The following NRXN3 variants were observed in gnomAD, a reference collection of about 807,000 sequenced individuals.
NRXN3 encodes neurexin 3, also known as neurexin III.
A neutral mutation model predicts 137.6 loss-of-function variants in NRXN3; 32 were observed. The observed-to-expected ratio is 0.23, with a 90% CI of 0.18 to 0.31. The LOEUF is 0.31. Ranked by LOEUF, NRXN3 falls within the 10% of genes least tolerant of loss-of-function variation. The pLI is 1.00. For synonymous variants in NRXN3, 798 were observed against 784.5 expected, an observed-to-expected ratio of 1.02 and a Z score of -0.29; for missense variants, 1,574 against 2,062.5, an observed-to-expected ratio of 0.76 and a Z score of 4.59.
chr14:78,282,587 C>A (rs1383969898), intron 3 of NRXN3: 1 of 162,908 alleles, frequency 6.1e-6, no homozygotes, highest in Admixed American at 5.7e-5. Flanking sequence ...CCCTGGCAGG[C>A]ACTGTGGGAG....
At chr14:78,173,518 T>C (rs2058948428) in intron 1 of NRXN3, among the ~76,000 whole-genome samples, 2 of 151,330 alleles carry the variant, frequency 1.3e-5, no homozygotes, top group African/African-American at 4.9e-5. Flanking sequence ...TCTGTGTGTG[T>C]GTGAAATTTT....
intron 19 of NRXN3, among the ~76,000 whole-genome samples, chr14:79,736,174 TAACTC>T (rs534841170): frequency 2.7e-4 from 41 of 152,174 alleles, no homozygotes; most frequent in Non-Finnish European, 4.7e-4. Flanking sequence ...CTGACAGTCT[TAACTC>T]AGCACTGTCT....
chr14:79,491,576 G>C (rs1477520912), intron 16 of NRXN3, among the ~76,000 whole-genome samples: 1 of 150,790 alleles, frequency 6.6e-6, no homozygotes, highest in Non-Finnish European at 1.5e-5. Flanking sequence ...AATGTACCCT[G>C]TAAAGAAATG....
At chr14:78,282,630 C>T (rs1429560629) in intron 3 of NRXN3, 1 of 161,712 alleles carries the variant, frequency 6.2e-6, no homozygotes, top group African/African-American at 2.4e-5. Context: ...CAGGAGGCCT[C>T]CGTCTGCTGT....
chr14:79,112,925 G>A (rs1021248238), intron 15 of NRXN3, among the ~76,000 whole-genome samples: 16 of 152,252 alleles, frequency 1.1e-4, no homozygotes, highest in African/African-American at 2.2e-4. Context: ...AAGTTGAGAC[G>A]CAGTTTTCCT....
intron 4 of NRXN3, among the ~76,000 whole-genome samples, chr14:78,552,283 T>C (rs980446679): frequency 1.3e-5 from 2 of 152,234 alleles, no homozygotes; most frequent in Admixed American, 6.5e-5. Flanking sequence ...TTAAAAATTG[T>C]TTCTTTTCTT....
chr14:79,410,824 A>G (rs2095407286), intron 15 of NRXN3, among the ~76,000 whole-genome samples: 1 of 152,120 alleles, frequency 6.6e-6, no homozygotes, highest in Non-Finnish European at 1.5e-5. Context: ...GGTAATGCTG[A>G]TACAATCTTA....
chr14:79,621,140 G>A (rs1179069353), intron 16 of NRXN3, among the ~76,000 whole-genome samples: 6 of 152,044 alleles, frequency 3.9e-5, no homozygotes, highest in Admixed American at 3.9e-4. Flanking sequence ...GTTATTATGA[G>A]GTATTTTTGT....
chr14:78,810,376 T>TAAAA, intron 10 of NRXN3, 32 bp downstream of exon 10: 4 of 1,141,232 alleles, frequency 3.5e-6, no homozygotes, highest in Non-Finnish European at 4.9e-6. Context: ...ATTTTGTTCT[T>TAAAA]TAAAAAAAAA....
intron 17 of NRXN3, among the ~76,000 whole-genome samples, chr14:79,672,463 G>T (rs1001766118): frequency 6.6e-6 from 1 of 151,834 alleles, no homozygotes; most frequent in East Asian, 1.9e-4. Context: ...CACTTTATGG[G>T]ATTTTTAAAA....
Position 78,645,403 on chromosome 14 carries a change from G to A in NRXN3, c.1041G>A (p.Val347=), listed in dbSNP as rs1456285061. Residue 347 remains valine, a synonymous_variant, in exon 5 of 21, where the codon GTG becomes GTA. Coordinates refer to ENST00000335750, the MANE Select transcript of NRXN3 (RefSeq NM_001330195.2). ...FNDNAWHDVK[V]TRNLRQVTIS... is the part of the protein sequence containing the mutation. ...ACAACGCCTGGCATGATGTCAAAGT[G>A]ACACGCAACCTCCGGCAGGTAATGG... The A allele has an allele frequency of 6.3e-7, 1 of 1,589,284 alleles. No individual in the cohort carries two copies. Among genetic ancestry groups the A allele is most frequent in the East Asian group, 2.2e-5 (1 of 44,610 alleles).
chr14:79,116,944 C>A (rs988667872), intron 15 of NRXN3, among the ~76,000 whole-genome samples: 5 of 152,210 alleles, frequency 3.3e-5, no homozygotes, highest in Non-Finnish European at 5.9e-5. Flanking sequence ...CAACTTTCAT[C>A]TCACCACATC....
chr14:78,782,250 G>A (rs1356240897), intron 8 of NRXN3, among the ~76,000 whole-genome samples: 1 of 152,220 alleles, frequency 6.6e-6, no homozygotes. Context: ...CCTGAAAGGA[G>A]TGGTTTAAAG....
intron 6 of NRXN3, among the ~76,000 whole-genome samples, chr14:78,653,924 G>T (rs913393137): frequency 6.6e-6 from 1 of 152,130 alleles, no homozygotes. Flanking sequence ...TTCAGACCAA[G>T]TTAGAAAAAG....
At chr14:78,777,648 A>G (rs917570750) in intron 8 of NRXN3, among the ~76,000 whole-genome samples, 7 of 152,204 alleles carry the variant, frequency 4.6e-5, no homozygotes, top group African/African-American at 9.6e-5. Flanking sequence ...AAACAACCCT[A>G]GCTGGTCAAA....
intron 16 of NRXN3, among the ~76,000 whole-genome samples, chr14:79,508,390 A>ATGTTTTTTTTTT (rs1555494767): frequency 2.1e-5 from 1 of 48,240 alleles, no homozygotes; most frequent in Non-Finnish European, 4.0e-5. Flanking sequence ...ACAATAACTG[A>ATGTTTTTTTTTT]TTTTTTTTTT....
chr14:79,028,130 T>A (rs564888860), intron 15 of NRXN3, among the ~76,000 whole-genome samples: 2 of 152,296 alleles, frequency 1.3e-5, no homozygotes, highest in South Asian at 4.1e-4. Flanking sequence ...CTTATTATTA[T>A]GTTGAGGTAT....
intron 4 of NRXN3, among the ~76,000 whole-genome samples, chr14:78,578,263 A>C: frequency 6.6e-6 from 1 of 152,226 alleles, no homozygotes; most frequent in East Asian, 1.9e-4. Flanking sequence ...TACAAAGGTA[A>C]GCTCTGCAGA....
At chr14:79,513,000 T>C (rs578167286) in intron 16 of NRXN3, among the ~76,000 whole-genome samples, 33 of 152,316 alleles carry the variant, frequency 2.2e-4, no homozygotes, top group African/African-American at 6.5e-4. Context: ...ATGTAAGAAT[T>C]TGCAGATAGA....
Sources: gnomAD v4.1 joint callset for allele counts (sites outside exome capture counted in the v4.1 genomes callset) on GRCh38, gnomAD v4.1.1 for gene constraint, MANE v1.5 for transcripts, NCBI Gene and HGNC (gene_info 2026-07-23, HGNC 2026-07-21) for gene names.